Variants in LRP1B observed in about 807,000 individuals in gnomAD.
LRP1B encodes the protein low-density lipoprotein receptor-related protein 1B.
LRP1B carries 217 observed loss-of-function variants against 556.6 expected under a neutral mutation model. The observed-to-expected ratio is 0.39, with a 90% CI of 0.35 to 0.44. The LOEUF (loss-of-function observed/expected upper bound fraction) is 0.44, where lower values mean the gene tolerates loss of function less well. Among genes scored for constraint, LRP1B ranks in the 20% least tolerant of loss-of-function variants. The probability of loss-of-function intolerance (pLI) is 1.00; values close to 1 mark genes in which losing one functional copy is unlikely to be tolerated. For missense variants in LRP1B, 5,053 were observed against 5,620.8 expected, an observed-to-expected ratio of 0.90 and a Z score of 3.23; for synonymous variants, 2,047 against 1,865.8, an observed-to-expected ratio of 1.10 and a Z score of -2.50.
At position 141,548,118 on chromosome 2, in the gene LRP1B, T is replaced by C. The variant is rs1295966905; in HGVS notation, c.206-67585A>G. The stretch of plus-strand genomic sequence containing the variant: ...AAATCTAGCTGTGGCACTTATTAGC[T>C]ATGTAGCTTTAGATAAAGTTATTTT... On this transcript the variant is annotated intron_variant, in intron 2 of 90. Coordinates refer to ENST00000389484, the MANE Select transcript of LRP1B (RefSeq NM_018557.3). Among the ~76,000 whole-genome samples the C allele has an allele frequency of 3.9e-5, 6 of 152,186 alleles. No individual in the cohort carries two copies. In the East Asian group the frequency reaches 1.2e-3, roughly 29 times the overall value.
intron 2 of LRP1B, among the ~76,000 whole-genome samples, chr2:141,581,108 T>A (rs1686945409): frequency 6.6e-6 from 1 of 152,242 alleles, no homozygotes; most frequent in African/African-American, 2.4e-5. Context: ...TAGCATCATA[T>A]GCAAATAAGG....
intron 1 of LRP1B, among the ~76,000 whole-genome samples, chr2:142,038,481 T>C (rs1210317971): frequency 2.6e-5 from 4 of 151,588 alleles, no homozygotes; most frequent in Non-Finnish European, 5.9e-5. Context: ...AAAACAGTAA[T>C]AGCAATAGTG....
intron 3 of LRP1B, among the ~76,000 whole-genome samples, chr2:141,256,558 G>C (rs1008961361): frequency 6.6e-6 from 1 of 151,844 alleles, no homozygotes; most frequent in African/African-American, 2.4e-5. Flanking sequence ...AGATAGTAAA[G>C]GAAGAAAAGC....
In LRP1B at chr2:140,868,016, A is replaced by G. The variant is rs533801787; in HGVS notation, c.4334+83T>C. The G allele has an allele frequency of 2.1e-6, 3 of 1,429,994 alleles. No homozygotes were observed. In the South Asian group the frequency reaches 4.4e-5, roughly 21 times the overall value. 88.6% of individuals were successfully genotyped at this position (1,429,994 alleles called of 1,614,324 possible). A position where few individuals can be genotyped will look rare whatever the true frequency, so the allele number is the denominator to read the frequency against. ...CAATTTTAATATATGTATACATGAT[A>G]CTGACATGTTAGGACACTTTCCAAT... On this transcript the variant is annotated intron_variant, in intron 26 of 90. Coordinates refer to ENST00000389484, the MANE Select transcript of LRP1B (RefSeq NM_018557.3).
intron 72 of LRP1B, among the ~76,000 whole-genome samples, chr2:140,362,686 C>T (rs1295362843): frequency 2.0e-5 from 3 of 151,614 alleles, no homozygotes; most frequent in African/African-American, 7.3e-5. Flanking sequence ...TCACTCCCAA[C>T]CTCAAGCCTT....
intron 18 of LRP1B, among the ~76,000 whole-genome samples, chr2:140,954,216 T>C (rs1454338301): frequency 6.6e-6 from 1 of 152,180 alleles, no homozygotes; most frequent in Non-Finnish European, 1.5e-5. Flanking sequence ...TTGTCCGAAA[T>C]ATGCTTTTGT....
chr2:141,774,126 A>C (rs1694984365), intron 2 of LRP1B, among the ~76,000 whole-genome samples: 1 of 152,248 alleles, frequency 6.6e-6, no homozygotes, highest in South Asian at 2.1e-4. Flanking sequence ...TTAAGAGTTT[A>C]ATATAAATCT....
rs1166271669 is a variant in LRP1B at position 141,587,982 on chromosome 2, G to A, written c.206-107449C>T. 3.9e-5 allele frequency among the ~76,000 whole-genome samples: 6 copies of A among 152,118 alleles called. No homozygotes were observed. In the East Asian group the frequency reaches 5.8e-4, roughly 15 times the overall value. On this transcript the variant is annotated intron_variant, in intron 2 of 90. Coordinates refer to ENST00000389484, the MANE Select transcript of LRP1B (RefSeq NM_018557.3). The stretch of plus-strand genomic sequence containing the variant: ...TTATCAGATGTAGAAAATCCAGATC[G>A]GTCTTCTAAATGCTAATACCTTATT...
At position 140,977,934 on chromosome 2, in the gene LRP1B, A is replaced by T. The variant is rs78120802; in HGVS notation, c.2887+4226T>A. On this transcript the variant is annotated intron_variant, in intron 18 of 90. Coordinates refer to ENST00000389484, the MANE Select transcript of LRP1B (RefSeq NM_018557.3). ...ATTATTTTATTGACAACTTAAGTTGAGAACCAACGTTAGTCTTATCCTTGA... is the reference window on the plus strand; with the variant it reads ...ATTATTTTATTGACAACTTAAGTTGTGAACCAACGTTAGTCTTATCCTTGA... Among the ~76,000 whole-genome samples the T allele has an allele frequency of 2.8e-3, 419 of 152,336 alleles. 4 individuals carry two copies. Among genetic ancestry groups the T allele is most frequent in the African/African-American group, 9.8e-3 (407 of 41,570 alleles).
chr2:140,441,263 T>C (rs927933872), intron 66 of LRP1B, among the ~76,000 whole-genome samples: 1 of 152,122 alleles, frequency 6.6e-6, no homozygotes, highest in East Asian at 1.9e-4. Flanking sequence ...AGTTAACAAG[T>C]CATTATTCCA....
At chr2:140,912,116 C>T (rs1368284526) in intron 21 of LRP1B, among the ~76,000 whole-genome samples, 4 of 151,628 alleles carry the variant, frequency 2.6e-5, no homozygotes, top group Non-Finnish European at 4.4e-5. Context: ...TTAATTGCTT[C>T]TCTCTATTTG....
chr2:140,406,647 A>T (rs1177565788), intron 66 of LRP1B, among the ~76,000 whole-genome samples: 3 of 152,128 alleles, frequency 2.0e-5, no homozygotes, highest in Non-Finnish European at 4.4e-5. Flanking sequence ...GAGGTGAAAA[A>T]TCTCTACAAG....
At chr2:141,400,885 C>T (rs774172489) in intron 3 of LRP1B, among the ~76,000 whole-genome samples, 3 of 152,038 alleles carry the variant, frequency 2.0e-5, no homozygotes, top group Non-Finnish European at 2.9e-5. Flanking sequence ...TAATGTGGTC[C>T]GTGTTTAATT....
intron 17 of LRP1B, among the ~76,000 whole-genome samples, chr2:140,984,818 T>C (rs1462513290): frequency 1.3e-5 from 2 of 152,108 alleles, no homozygotes; most frequent in Non-Finnish European, 2.9e-5. Context: ...ATTATTCACT[T>C]AGTCTACCAG....
chr2:141,696,154 G>T (rs1255598515), intron 2 of LRP1B, among the ~76,000 whole-genome samples: 1 of 151,780 alleles, frequency 6.6e-6, no homozygotes, highest in Non-Finnish European at 1.5e-5. Flanking sequence ...CTATCATTTT[G>T]CATTTTTAGC....
chr2:140,792,142 C>T (rs748414277), intron 32 of LRP1B, among the ~76,000 whole-genome samples: 5 of 152,132 alleles, frequency 3.3e-5, no homozygotes, highest in Non-Finnish European at 5.9e-5. Flanking sequence ...TCCTTTCAAG[C>T]CCAAACCCCC....
intron 1 of LRP1B, among the ~76,000 whole-genome samples, chr2:141,962,202 A>G (rs764492947): frequency 3.3e-5 from 5 of 151,756 alleles, no homozygotes; most frequent in Admixed American, 1.3e-4. Flanking sequence ...TGAAGTAACA[A>G]GGATATTCAT....
At chr2:140,748,655 C>T (rs866645699) in intron 35 of LRP1B, among the ~76,000 whole-genome samples, 3 of 103,030 alleles carry the variant, frequency 2.9e-5, no homozygotes, top group Non-Finnish European at 5.6e-5. Context: ...AGATGTGATA[C>T]CAAAAGCTGT....
At chr2:140,823,829 C>T (rs551883583) in intron 31 of LRP1B, among the ~76,000 whole-genome samples, 2 of 151,946 alleles carry the variant, frequency 1.3e-5, no homozygotes, top group African/African-American at 4.8e-5. Flanking sequence ...CAAACTACTA[C>T]AGGAACAGAA....
Sources: gnomAD v4.1 joint callset for allele counts (sites outside exome capture counted in the v4.1 genomes callset) on GRCh38, gnomAD v4.1.1 for gene constraint, MANE v1.5 for transcripts, NCBI Gene and HGNC (gene_info 2026-07-23, HGNC 2026-07-21) for gene names.